Variants in EPHA6 observed in about 807,000 individuals in gnomAD.
EPHA6 encodes the protein ephrin type-A receptor 6.
EPHA6 carries 50 observed loss-of-function variants against 112.0 expected under a neutral mutation model. That is an observed-to-expected ratio of 0.45 (90% CI 0.36 to 0.56). The LOEUF (loss-of-function observed/expected upper bound fraction) is 0.56. Ranked by LOEUF, EPHA6 falls within the 20% of genes least tolerant of loss-of-function variation. The pLI is 0.00. For missense variants in EPHA6, 1,280 were observed against 1,417.4 expected (o/e 0.90, Z 1.56); for synonymous variants, 529 against 490.7 (o/e 1.08, Z -1.03).
At chr3:97,438,035 G>C (rs958862944) in intron 6 of EPHA6, among the ~76,000 whole-genome samples, 7 of 152,074 alleles carry the variant, frequency 4.6e-5, no homozygotes, top group Non-Finnish European at 1.0e-4. Flanking sequence ...TAAAGTTGTT[G>C]TTTGACTATA....
intron 4 of EPHA6, among the ~76,000 whole-genome samples, chr3:97,241,351 C>G (rs925331684): frequency 1.3e-5 from 2 of 151,726 alleles, no homozygotes; most frequent in African/African-American, 4.8e-5. Context: ...AGATTGCTTT[C>G]TTTCTGTGTG....
intron 3 of EPHA6, among the ~76,000 whole-genome samples, chr3:97,012,171 C>T: frequency 6.6e-6 from 1 of 151,968 alleles, no homozygotes; most frequent in South Asian, 2.1e-4. Flanking sequence ...ATATATGTAC[C>T]CAGTAATGGG....
chr3:96,927,310 G>A (rs2040088438), intron 2 of EPHA6, among the ~76,000 whole-genome samples: 1 of 152,188 alleles, frequency 6.6e-6, no homozygotes, highest in African/African-American at 2.4e-5. Context: ...TAGAGCCTAT[G>A]ATGGGAAGGA....
At chr3:96,970,146 C>A (rs1419475944) in intron 2 of EPHA6, among the ~76,000 whole-genome samples, 1 of 151,736 alleles carries the variant, frequency 6.6e-6, no homozygotes, top group African/African-American at 2.4e-5. Flanking sequence ...ACTTCCTAAG[C>A]AGCCTGAATA....
intron 3 of EPHA6, among the ~76,000 whole-genome samples, chr3:97,012,585 ATG>A (rs200953475): frequency 0.11 from 14,930 of 141,000 alleles, 1,474 homozygotes; most frequent in African/African-American, 0.26. Context: ...AAATTTATAT[ATG>A]TGTGTGTGTG....
intron 5 of EPHA6, among the ~76,000 whole-genome samples, chr3:97,310,090 C>T (rs372197602): frequency 1.3e-5 from 2 of 151,390 alleles, no homozygotes; most frequent in East Asian, 1.9e-4. Context: ...AAAAGACTTC[C>T]GTGGCCTTTT....
chr3:97,218,213 G>A (rs1020421103), intron 3 of EPHA6, among the ~76,000 whole-genome samples: 8 of 151,926 alleles, frequency 5.3e-5, no homozygotes, highest in Non-Finnish European at 1.2e-4. Flanking sequence ...GGAGGCTGCA[G>A]TAAGCTGTGA....
chr3:97,446,479 C>T (rs1206246915), intron 6 of EPHA6, among the ~76,000 whole-genome samples: 1 of 152,090 alleles, frequency 6.6e-6, no homozygotes, highest in Non-Finnish European at 1.5e-5. Context: ...TTTGGGGAAG[C>T]AACAAGGATA....
intron 14 of EPHA6, among the ~76,000 whole-genome samples, chr3:97,696,461 T>TA (rs1197472574): frequency 1.6e-4 from 24 of 152,352 alleles, no homozygotes. Context: ...GCTTATGACT[T>TA]ACGTTTACCT....
At chr3:97,158,295 T>C (rs2076335694) in intron 3 of EPHA6, among the ~76,000 whole-genome samples, 1 of 152,234 alleles carries the variant, frequency 6.6e-6, no homozygotes, top group African/African-American at 2.4e-5. Context: ...ACAAATTTAT[T>C]ACAAAATAAG....
At chr3:97,118,637 A>G (rs185335159) in intron 3 of EPHA6, among the ~76,000 whole-genome samples, 99 of 151,994 alleles carry the variant, frequency 6.5e-4, no homozygotes, top group Admixed American at 4.2e-3. Flanking sequence ...ATCCATTTGT[A>G]TAGGGTAGAA....
rs370448483 is a variant in EPHA6, at chr3:96,936,064, G to C, written c.451-51266G>C. On this transcript the variant is annotated intron_variant, in intron 2 of 17. Transcript: ENST00000389672. ...GGGGAAAATTCAAGAAGGCACTGAA[G>C]AGACCACCTCACCAGAACCTGATGT... 1.8e-4 allele frequency among the ~76,000 whole-genome samples: 28 copies of C among 152,136 alleles called. No homozygotes were observed. In the South Asian group the frequency reaches 5.6e-3, roughly 30 times the overall value.
At chr3:96,980,182 T>G (rs1449100582) in intron 2 of EPHA6, among the ~76,000 whole-genome samples, 7 of 152,342 alleles carry the variant, frequency 4.6e-5, no homozygotes, top group Admixed American at 3.3e-4. Context: ...TTTATGGCTT[T>G]AGGTCAAACA....
At chr3:97,737,196 G>A (rs1352214225) in intron 16 of EPHA6, among the ~76,000 whole-genome samples, 1 of 152,032 alleles carries the variant, frequency 6.6e-6, no homozygotes, top group East Asian at 1.9e-4. Context: ...AGGCACTTTG[G>A]ATTTTATCAT....
chr3:96,821,742 T>G (rs1420582048), intron 1 of EPHA6, among the ~76,000 whole-genome samples: 1 of 151,866 alleles, frequency 6.6e-6, no homozygotes, highest in Admixed American at 6.6e-5. Flanking sequence ...ATAAAGAAGA[T>G]TTATGTAAAG....
chr3:96,907,664 G>A lies in EPHA6; in HGVS notation c.450+40775G>A, dbSNP rs553746009. Among the ~76,000 whole-genome samples the A allele has an allele frequency of 4.6e-5, 7 of 151,698 alleles. No homozygotes were observed. In the South Asian group the frequency reaches 1.5e-3, roughly 32 times the overall value. ...GTGTATTTCATGTTTTTAAGTCAAC[G>A]TTTAGTACTTAATTATTATTTTATT... On this transcript the variant is annotated intron_variant, in intron 2 of 17. Coordinates refer to ENST00000389672, the MANE Select transcript of EPHA6 (RefSeq NM_001080448.3).
At chr3:97,598,094 T>C (rs1000877797) in intron 12 of EPHA6, among the ~76,000 whole-genome samples, 16 of 152,104 alleles carry the variant, frequency 1.1e-4, no homozygotes, top group African/African-American at 3.9e-4. Context: ...TTTCTTCATA[T>C]TTTCAGACAT....
intron 2 of EPHA6, among the ~76,000 whole-genome samples, chr3:96,879,003 T>A (rs1049517071): frequency 2.6e-5 from 4 of 152,092 alleles, no homozygotes; most frequent in Admixed American, 6.6e-5. Flanking sequence ...TGTAGAAAGA[T>A]ATATTTCACG....
intron 3 of EPHA6, among the ~76,000 whole-genome samples, chr3:97,184,374 T>C (rs1559781583): frequency 1.3e-5 from 2 of 152,110 alleles, no homozygotes; most frequent in African/African-American, 4.8e-5. Flanking sequence ...TGCCATCCTC[T>C]ACAAAATCAG....
Sources: gnomAD v4.1 joint callset for allele counts (sites outside exome capture counted in the v4.1 genomes callset) on GRCh38, gnomAD v4.1.1 for gene constraint, MANE v1.5 for transcripts, NCBI Gene and HGNC (gene_info 2026-07-23, HGNC 2026-07-21) for gene names.